DNAH17: variants seen among roughly 807,000 people sequenced by gnomAD.
The protein encoded by DNAH17 is dynein axonemal heavy chain 17, also known as axonemal beta dynein heavy chain 17.
In DNAH17, 376 loss-of-function variants were observed where a neutral mutation model predicts 485.6. The ratio of observed to expected loss-of-function variants is 0.77; its 90% confidence interval spans 0.71 to 0.84. The LOEUF (loss-of-function observed/expected upper bound fraction) is 0.84. Ranked by LOEUF, DNAH17 falls within the 40% of genes least tolerant of loss-of-function variation. DNAH17 has a pLI of 0.00. For synonymous variants in DNAH17, 3,031 were observed against 2,405.9 expected (o/e 1.26, Z -7.60); for missense variants, 6,370 against 5,839.3 (o/e 1.09, Z -2.96).
intron 25 of DNAH17, among the ~76,000 whole-genome samples, chr17:78,518,230 A>C (rs528221655): frequency 7.9e-5 from 12 of 152,248 alleles, no homozygotes; most frequent in Non-Finnish European, 1.6e-4. Flanking sequence ...TGACCCAATC[A>C]TATGCTGTAT....
Position 78,468,846 on chromosome 17 carries a change from T to C in DNAH17, c.8549A>G (p.Lys2850Arg), listed in dbSNP as rs1223563156. 1.9e-6 allele frequency: 3 copies of C among 1,614,020 alleles called. No individual in the cohort carries two copies. The highest frequency in any genetic ancestry group is 2.2e-5 in the East Asian group (1 of 44,888). The change falls in exon 55 of 81, where the codon AAG becomes AGG. Residue 2850 changes from lysine to arginine, a missense_variant. By Grantham distance (26) the Lys-to-Arg change is conservative. Coordinates refer to ENST00000389840, the MANE Select transcript of DNAH17 (RefSeq NM_173628.4). ...CATCAGGAACACCGAGGGAACGTTC[T>C]TCACGGCAGCCTTTATGTACTGAGC... ...LAAQYIKAAV[K>R]NVPSVFLMTD...
rs754502349 is a variant in DNAH17 at position 78,441,151 on chromosome 17, A to C, written c.11577T>G (p.Ser3859Arg). 6.2e-7 allele frequency: 1 copy of C among 1,613,470 alleles called. No individual in the cohort carries two copies. The highest frequency in any genetic ancestry group is 8.5e-7 in the Non-Finnish European group (1 of 1,179,838). Reference protein sequence around the residue: ...KMGSKFVEGRSVEFSKSYEES... With the variant: ...KMGSKFVEGRRVEFSKSYEES... ...CCTCGTAGGACTTAGAAAACTCAAC[A>C]CTCCGGCCTTCCACGAACTTGCTGC... Residue 3859 changes from serine (S) to arginine (R), a missense_variant, in exon 72 of 81, where the codon AGT (serine) becomes AGG (arginine). Ser to Arg is a moderately radical substitution (Grantham distance 110). Transcript: ENST00000389840.
In DNAH17 at chr17:78,461,612, C is replaced by T; in HGVS notation, c.9271G>A (p.Ala3091Thr). 6.2e-7 allele frequency: 1 copy of T among 1,609,090 alleles called. No homozygotes were observed. ...DQLIQVVGIEAEKVSKEKAIA... is the reference protein window; with the variant it reads ...DQLIQVVGIETEKVSKEKAIA... ...GCCTTCTCTTTGCTGACCTTCTCGG[C>T]CTCGATGCCGACCACCTGGATCAGT... Residue 3091 changes from alanine to threonine, a missense_variant, in exon 58 of 81, where the codon GCC becomes ACC. Coordinates refer to ENST00000389840, the MANE Select transcript of DNAH17 (RefSeq NM_173628.4).
intron 15 of DNAH17, 119 bp from the exon 16 acceptor site, chr17:78,551,757 T>A (rs542870537): frequency 1.3e-5 from 11 of 878,900 alleles, no homozygotes; most frequent in Non-Finnish European, 2.0e-5. Flanking sequence ...AGGTCGGGAG[T>A]TCGAGACCAG....
chr17:78,427,375 G>A (rs1259325730), intron 77 of DNAH17, among the ~76,000 whole-genome samples: 2 of 152,220 alleles, frequency 1.3e-5, no homozygotes, highest in East Asian at 3.9e-4. Context: ...CTGGCTCGGT[G>A]CCTCATTTGT....
In DNAH17 at chr17:78,436,424, A is replaced by G. The variant is rs556495243; in HGVS notation, c.12033+1217T>C. ...GCCTGGGCAATAAGAGCGAAACTCC[A>G]TCTCCAAAAAAATAGGGTGTCAAAC... On this transcript the variant is annotated intron_variant, in intron 74 of 80. Transcript: ENST00000389840. 5.9e-5 allele frequency among the ~76,000 whole-genome samples: 9 copies of G among 151,436 alleles called. 1 individual carries two copies. In the East Asian group the frequency reaches 8.0e-4, roughly 13 times the overall value.
chr17:78,461,603 CCTT>C lies in DNAH17; in HGVS notation c.9277_9279del (p.Lys3093del). The C allele has an allele frequency of 6.2e-7, 1 of 1,607,568 alleles. No individual in the cohort carries two copies. The highest frequency in any genetic ancestry group is 2.2e-5 in the East Asian group (1 of 44,608). ...TCAGCAATGGCCTTCTCTTTGCTGA[CCTT>C]CTCGGCCTCGATGCCGACCACCTGG... On this transcript the variant is annotated inframe_deletion, in exon 58 of 81. Coordinates refer to ENST00000389840, the MANE Select transcript of DNAH17 (RefSeq NM_173628.4).
chr17:78,479,254 G>T (rs2146615316), intron 50 of DNAH17, 138 bp from the exon 51 acceptor site: 1 of 1,029,830 alleles, frequency 9.7e-7, no homozygotes, highest in Non-Finnish European at 1.4e-6. Flanking sequence ...TTTGAAGTGG[G>T]AGGGAATTTG....
At chr17:78,471,627 A>G (rs925129503) in intron 54 of DNAH17, among the ~76,000 whole-genome samples, 3 of 152,140 alleles carry the variant, frequency 2.0e-5, no homozygotes, top group Admixed American at 6.5e-5. Flanking sequence ...TCCTGGGCTC[A>G]AGGGATCCTC....
At chr17:78,554,473 G>GAAAAT (rs1568246690) in intron 14 of DNAH17, among the ~76,000 whole-genome samples, 62 of 124,744 alleles carry the variant, frequency 5.0e-4, no homozygotes, top group South Asian at 1.3e-3. Flanking sequence ...AAAAAAAAAG[G>GAAAAT]ATAGGTTCTA....
intron 38 of DNAH17, among the ~76,000 whole-genome samples, 179 bp from the exon 39 acceptor site, chr17:78,495,276 T>C (rs1393469966): frequency 3.9e-5 from 6 of 151,934 alleles, no homozygotes; most frequent in Non-Finnish European, 8.8e-5. Context: ...TCCCTCCTCC[T>C]CCCACATCAT....
At chr17:78,474,299 C>T (rs1465984) in intron 54 of DNAH17, among the ~76,000 whole-genome samples, 47,567 of 152,172 alleles carry the variant, frequency 0.31, 9,499 homozygotes, top group African/African-American at 0.57. Flanking sequence ...AAGGCATGGC[C>T]GTGTAGGACG....
chr17:78,458,525 G>A (rs372403436), intron 62 of DNAH17, 40 bp downstream of exon 62: 51 of 1,546,314 alleles, frequency 3.3e-5, no homozygotes, highest in Middle Eastern at 1.8e-4. Context: ...CTTTCAGGGG[G>A]TCTGAGAGCA....
In DNAH17 at chr17:78,494,263, G is replaced by C. The variant is rs115822980; in HGVS notation, c.6271-90C>G. On this transcript the variant is annotated intron_variant, in intron 40 of 80. Coordinates refer to ENST00000389840, the MANE Select transcript of DNAH17 (RefSeq NM_173628.4). ...GCTGGGGGGCTTCCTGCCCCGTGGG[G>C]GAGATGATAAAGGCGCCCTTGCCCT... 770 of 1,518,856 alleles carry C rather than the reference G, an allele frequency of 5.1e-4. 2 individuals carry two copies. In the African/African-American group the frequency reaches 7.0e-3, roughly 14 times the overall value. 94.1% of individuals were successfully genotyped at this position (1,518,856 alleles called of 1,614,324 possible).
intron 22 of DNAH17, 80 bp downstream of exon 22, chr17:78,529,392 T>TG (rs1407696579): frequency 2.2e-6 from 3 of 1,370,558 alleles, no homozygotes; most frequent in Non-Finnish European, 3.1e-6. Context: ...CATGGTTGCG[T>TG]TTGATGGGCT....
At position 78,479,116 on chromosome 17, in the gene DNAH17, G is replaced by A. The variant is rs143375889; in HGVS notation, c.7901C>T (p.Ala2634Val). The change falls in exon 51 of 81, where the codon GCT (alanine) becomes GTT (valine). Residue 2634 changes from alanine to valine, a missense_variant and splice_region_variant. Ala to Val is a moderately conservative substitution (Grantham distance 64). Coordinates refer to ENST00000389840, the MANE Select transcript of DNAH17 (RefSeq NM_173628.4). Reference protein sequence around the residue: ...ISSQLVAAALALHQKITATFL... With the variant: ...ISSQLVAAALVLHQKITATFL... The stretch of plus-strand genomic sequence containing the variant: ...TGTTGCCGTGATTTTCTGATGCAAA[G>A]CTGTTAGAGGAAAAGGACGTGTCAA... 928 of 1,613,854 alleles carry A rather than the reference G, an allele frequency of 5.8e-4. 1 individual carries two copies. In the African/African-American group the frequency reaches 9.1e-3, roughly 16 times the overall value.
Position 78,486,371 on chromosome 17 carries a change from C to T in DNAH17, c.6954G>A (p.Glu2318=). The T allele has an allele frequency of 1.2e-6, 2 of 1,613,900 alleles. No individual in the cohort carries two copies. Among genetic ancestry groups the T allele is most frequent in the Non-Finnish European group, 8.5e-7 (1 of 1,179,844 alleles). Residue 2318 remains glutamate, a synonymous_variant, in exon 45 of 81, where the codon GAG becomes GAA. Coordinates refer to ENST00000389840, the MANE Select transcript of DNAH17 (RefSeq NM_173628.4). The part of the protein sequence containing the change: ...FGFKKITPVP[E]ITVIQTILYL... ...ACAGAATCGTTTGGATCACCGTGAT[C>T]TCCGGCACTGGCGTGATCTTCTTGA... is the stretch of plus-strand genomic sequence containing the variant.
intron 56 of DNAH17, among the ~76,000 whole-genome samples, chr17:78,463,455 T>C (rs112009969): frequency 0.042 from 6,400 of 151,124 alleles, 469 homozygotes; most frequent in African/African-American, 0.15. Flanking sequence ...CACATACCTG[T>C]ATATATACAC....
rs368552402 is a variant in DNAH17 at position 78,439,198 on chromosome 17, G to A, written c.11697C>T (p.Thr3899=). The A allele has an allele frequency of 4.5e-4, 721 of 1,599,858 alleles. 5 individuals are homozygous for A. The South Asian group carries it at 6.0e-3, about 13-fold the overall frequency. ...VEALGKKLGF[T]IDNGKLHNVS... is the part of the protein sequence containing the mutation. ...CATTATGGAGTTTTCCATTGTCTAT[G>A]GTAAACCCTAGTTTTTTTCCTAAAG... The change falls in exon 73 of 81, where the codon ACC becomes ACT. Residue 3899 remains threonine (T), a synonymous_variant. Coordinates refer to ENST00000389840, the MANE Select transcript of DNAH17 (RefSeq NM_173628.4).
Sources: gnomAD v4.1 joint callset for allele counts (sites outside exome capture counted in the v4.1 genomes callset) on GRCh38, gnomAD v4.1.1 for gene constraint, MANE v1.5 for transcripts, NCBI Gene and HGNC (gene_info 2026-07-23, HGNC 2026-07-21) for gene names.